Variants in LAMA4 observed in about 807,000 individuals in gnomAD.
The protein encoded by LAMA4 is laminin subunit alpha-4.
In LAMA4, 127 loss-of-function variants were observed where a neutral mutation model predicts 207.1. The observed-to-expected ratio is 0.61, with a 90% CI of 0.53 to 0.71. LAMA4 has a LOEUF of 0.71. LAMA4 is among the 30% of genes least tolerant of loss of function. The pLI, the probability that LAMA4 is intolerant of heterozygous loss-of-function variation, is 0.00. For synonymous variants in LAMA4, 761 were observed against 816.0 expected (o/e 0.93, Z 1.15); for missense variants, 2,093 against 2,246.5 (o/e 0.93, Z 1.38).
chr6:112,155,029 GT>G, intron 15 of LAMA4, 82 bp from the exon 16 acceptor site: 1 of 926,960 alleles, frequency 1.1e-6, no homozygotes. Flanking sequence ...AAATGACACA[GT>G]TTATCTGCTA....
chr6:112,129,011 A>T lies in LAMA4; in HGVS notation c.4198T>A (p.Tyr1400Asn), dbSNP rs781815955. ...GGTGAAGACTCAATGGGACACTCATAAAGAGAAGTGTGGACCTTTTCAGTA... is the reference window on the plus strand; with the variant it reads ...GGTGAAGACTCAATGGGACACTCATTAAGAGAAGTGTGGACCTTTTCAGTA... ...RYTEKVHTSLYECPIESSPLF... is the reference protein window; with the variant it reads ...RYTEKVHTSLNECPIESSPLF... The change falls in exon 31 of 39, where the codon TAT (tyrosine) becomes AAT (asparagine). Residue 1400 changes from tyrosine (Y) to asparagine (N), a missense_variant. This residue lies in a region of LAMA4 where 1,704 missense variants were observed against 1,788.4 expected (regional missense o/e 0.95). Coordinates refer to ENST00000230538, the MANE Select transcript of LAMA4 (RefSeq NM_001105206.3). The T allele has an allele frequency of 3.7e-6, 6 of 1,612,520 alleles. No individual in the cohort carries two copies. The highest frequency in any genetic ancestry group is 4.2e-6 in the Non-Finnish European group (5 of 1,178,614).
intron 3 of LAMA4, among the ~76,000 whole-genome samples, chr6:112,210,976 C>A (rs531137409): frequency 5.9e-5 from 9 of 152,238 alleles, no homozygotes; most frequent in African/African-American, 1.9e-4. Context: ...AAAAAAAGCT[C>A]TCTGGTATCT....
Position 112,117,781 on chromosome 6 carries a change from T to A in LAMA4, c.4939A>T (p.Thr1647Ser). Reference sequence around the variant, plus strand: ...CCTTCTGTTGAAAAGTAAGTTCCTGTTTCCATGGGGCCTTCAAAGCAAGGG... The same window carrying A: ...CCTTCTGTTGAAAAGTAAGTTCCTGATTCCATGGGGCCTTCAAAGCAAGGG... ...VTPCFEGPME[T>S]GTYFSTEGGY... The change falls in exon 35 of 39, where the codon ACA (threonine) becomes TCA (serine). Residue 1647 changes from threonine to serine, a missense_variant. By Grantham distance (58) the Thr-to-Ser change is moderately conservative. Transcript: ENST00000230538. This position sits in a 1 kb window ranked among gnomAD's most constrained non-coding sequence, Gnocchi z 4.5. The A allele has an allele frequency of 6.2e-7, 1 of 1,613,806 alleles. No individual in the cohort carries two copies. The highest frequency in any genetic ancestry group is 8.5e-7 in the Non-Finnish European group (1 of 1,179,774).
intron 2 of LAMA4, among the ~76,000 whole-genome samples, chr6:112,225,129 C>T (rs1200011492): frequency 6.6e-6 from 1 of 151,832 alleles, no homozygotes; most frequent in Non-Finnish European, 1.5e-5. Context: ...CAATTTTATC[C>T]TCCAGCTATA....
intron 2 of LAMA4, among the ~76,000 whole-genome samples, chr6:112,243,539 GGT>G (rs1554188110): frequency 6.6e-6 from 1 of 152,068 alleles, no homozygotes; most frequent in African/African-American, 2.4e-5. Context: ...GAATTGACCA[GGT>G]TTCTTTACCT....
rs1457104118 is a variant in LAMA4, at chr6:112,191,510, A to G, written c.718+126T>C. 5 of 733,244 alleles carry G rather than the reference A, an allele frequency of 6.8e-6. No homozygotes were observed. In the East Asian group the frequency reaches 8.1e-5, roughly 12 times the overall value. 45.4% of individuals were successfully genotyped at this position (733,244 alleles called of 1,614,324 possible). A position where few individuals can be genotyped will look rare whatever the true frequency, so the allele number is the denominator to read the frequency against. ...GGGATGCATATTCCTGAGAATGTAC[A>G]TTGCCCTGGGAAAGTGACAAGGGGG... On this transcript the variant is annotated intron_variant, in intron 6 of 38. Transcript: ENST00000230538.
At chr6:112,160,331 C>A (rs1780976466) in intron 13 of LAMA4, among the ~76,000 whole-genome samples, 1 of 152,130 alleles carries the variant, frequency 6.6e-6, no homozygotes, top group African/African-American at 2.4e-5. Context: ...TGTTCATTTT[C>A]TGTATAAAGC....
intron 31 of LAMA4, among the ~76,000 whole-genome samples, chr6:112,124,308 C>T (rs149848964): frequency 6.6e-6 from 1 of 152,294 alleles, no homozygotes; most frequent in African/African-American, 2.4e-5. Flanking sequence ...TTATTTGAAA[C>T]AGAACAATCT....
At position 112,108,961 on chromosome 6, in the gene LAMA4, T is replaced by G. The variant is rs1554320661; in HGVS notation, c.*476A>C. 1 of 173,812 alleles carries G rather than the reference T, an allele frequency of 5.8e-6. No individual in the cohort carries two copies. Among genetic ancestry groups the G allele is most frequent in the Non-Finnish European group, 1.2e-5 (1 of 80,602 alleles). 10.8% of individuals were successfully genotyped at this position (173,812 alleles called of 1,614,324 possible). ...ATACTGATAGACCAAACAAAAGGGC[T>G]AAAAACAAATCTATCATCTAATTTA... is the stretch of plus-strand genomic sequence containing the variant. On this transcript the variant is annotated 3_prime_UTR_variant, in exon 39 of 39. Transcript: ENST00000230538.
chr6:112,209,900 G>A (rs758922216), intron 3 of LAMA4, among the ~76,000 whole-genome samples: 32 of 152,126 alleles, frequency 2.1e-4, no homozygotes, highest in African/African-American at 4.1e-4. Flanking sequence ...GGTGGGAGGC[G>A]ATTGGATCAT....
chr6:112,123,680 C>T (rs1562632968), intron 31 of LAMA4, among the ~76,000 whole-genome samples: 1 of 152,188 alleles, frequency 6.6e-6, no homozygotes, highest in Non-Finnish European at 1.5e-5. Flanking sequence ...GTGTCTCTTG[C>T]TCTCAGGGCA....
At position 112,109,129 on chromosome 6, in the gene LAMA4, T is replaced by G; in HGVS notation, c.*308A>C. On this transcript the variant is annotated 3_prime_UTR_variant, in exon 39 of 39. Coordinates refer to ENST00000230538, the MANE Select transcript of LAMA4 (RefSeq NM_001105206.3). ...CGCACTTCAAAAATGTGTGCAAGTG[T>G]TTATTTGGAATCCCTTCTATTTTAT... 2.7e-6 allele frequency: 1 copy of G among 374,120 alleles called. No individual in the cohort carries two copies. The highest frequency in any genetic ancestry group is 5.0e-6 in the Non-Finnish European group (1 of 199,210). 23.2% of individuals were successfully genotyped at this position (374,120 alleles called of 1,614,324 possible). A position where few individuals can be genotyped will look rare whatever the true frequency, so the allele number is the denominator to read the frequency against.
chr6:112,185,149 G>T, intron 9 of LAMA4, 88 bp downstream of exon 9: 1 of 860,502 alleles, frequency 1.2e-6, no homozygotes, highest in Non-Finnish European at 2.0e-6. Flanking sequence ...GCTGTGTTAA[G>T]CCTCAGTCGT....
intron 31 of LAMA4, among the ~76,000 whole-genome samples, chr6:112,124,388 C>A (rs1778553531): frequency 6.6e-6 from 1 of 152,208 alleles, no homozygotes; most frequent in South Asian, 2.1e-4. Context: ...CATCACTCAT[C>A]TGCTGCAAAA....
intron 11 of LAMA4, 75 bp from the exon 12 acceptor site, chr6:112,172,879 G>T: frequency 7.7e-7 from 1 of 1,291,738 alleles, no homozygotes; most frequent in Non-Finnish European, 1.1e-6. Context: ...ATTTTGCAAA[G>T]TTGCAAAATT....
intron 2 of LAMA4, among the ~76,000 whole-genome samples, chr6:112,232,126 A>G (rs1442189616): frequency 6.6e-6 from 1 of 152,230 alleles, no homozygotes; most frequent in Non-Finnish European, 1.5e-5. Context: ...CAGTCGGCTC[A>G]GGGACACTGG....
chr6:112,120,779 C>T (rs1220396761), intron 32 of LAMA4, among the ~76,000 whole-genome samples: 2 of 152,164 alleles, frequency 1.3e-5, no homozygotes, highest in African/African-American at 2.4e-5. Flanking sequence ...TGCCATGGCT[C>T]AGGCCTATAA....
At chr6:112,190,966 TTCTTTCTTTC>T (rs1161628531) in intron 6 of LAMA4, among the ~76,000 whole-genome samples, 2 of 145,734 alleles carry the variant, frequency 1.4e-5, no homozygotes, top group Non-Finnish European at 3.0e-5. Context: ...CTTTCTTTCT[TTCTTTCTTTC>T]TTTCTTTCTT....
At chr6:112,248,984 G>C (rs969169075) in intron 2 of LAMA4, among the ~76,000 whole-genome samples, 1 of 152,160 alleles carries the variant, frequency 6.6e-6, no homozygotes, top group Non-Finnish European at 1.5e-5. Flanking sequence ...GGACATAGTA[G>C]AAGTCAACAA....
Sources: allele counts gnomAD v4.1 joint callset (sites outside exome capture counted in the v4.1 genomes callset), GRCh38; gene constraint gnomAD v4.1.1; regional missense constraint gnomAD v4.1.1; non-coding constraint Gnocchi (gnomAD v3.1); transcripts MANE v1.5; gene names NCBI Gene and HGNC (gene_info 2026-07-23, HGNC 2026-07-21).